TRPM3: variants seen among roughly 807,000 people sequenced by gnomAD.
The protein encoded by TRPM3 is long transient receptor potential channel 3.
A neutral mutation model predicts 181.2 loss-of-function variants in TRPM3; 77 were observed. That is an observed-to-expected ratio of 0.42 (90% CI 0.35 to 0.51). TRPM3 has a LOEUF of 0.51. Ranked by LOEUF, TRPM3 falls within the 20% of genes least tolerant of loss-of-function variation. TRPM3 has a pLI of 0.01. For synonymous variants in TRPM3, 745 were observed against 796.4 expected, an observed-to-expected ratio of 0.94 and a Z score of 1.09; for missense variants, 1,759 against 2,196.7, an observed-to-expected ratio of 0.80 and a Z score of 3.98.
chr9:71,108,495 CA>C (rs1565213185), intron 1 of TRPM3, among the ~76,000 whole-genome samples: 1 of 152,078 alleles, frequency 6.6e-6, no homozygotes, highest in Admixed American at 6.6e-5. Flanking sequence ...GCTAAATAAA[CA>C]AGGGTCGACA....
At chr9:70,758,983 G>A (rs1252400158) in intron 8 of TRPM3, among the ~76,000 whole-genome samples, 1 of 152,144 alleles carries the variant, frequency 6.6e-6, no homozygotes, top group Non-Finnish European at 1.5e-5. Flanking sequence ...TGACAAATGG[G>A]ATCTAATCAA....
intron 3 of TRPM3, among the ~76,000 whole-genome samples, chr9:70,847,346 C>T (rs2095013295): frequency 6.6e-6 from 1 of 152,110 alleles, no homozygotes; most frequent in African/African-American, 2.4e-5. Context: ...TTAAAAACTT[C>T]AATTTCTAGC....
At chr9:70,643,388 A>G (rs958048161) in intron 9 of TRPM3, among the ~76,000 whole-genome samples, 1 of 152,216 alleles carries the variant, frequency 6.6e-6, no homozygotes, top group Non-Finnish European at 1.5e-5. Flanking sequence ...CAAGTCAATA[A>G]TAGCAGCACG....
chr9:70,774,369 C>A (rs914075220), intron 7 of TRPM3: 1 of 152,096 alleles, frequency 6.6e-6, no homozygotes, highest in African/African-American at 2.4e-5. Context: ...TCAATATTTT[C>A]TTTTCTCTAG....
chr9:70,918,962 T>C (rs2096628599), intron 1 of TRPM3, among the ~76,000 whole-genome samples: 2 of 152,176 alleles, frequency 1.3e-5, no homozygotes, highest in South Asian at 4.1e-4. Context: ...CTGTTTCAGA[T>C]GATCTCATAG....
chr9:70,649,347 C>A (rs187329585), intron 9 of TRPM3, among the ~76,000 whole-genome samples: 1 of 152,212 alleles, frequency 6.6e-6, no homozygotes, highest in African/African-American at 2.4e-5. Flanking sequence ...TGCCACCATG[C>A]CTGGCTAATT....
chr9:70,607,544 C>T (rs570012049), intron 19 of TRPM3, among the ~76,000 whole-genome samples: 47 of 152,254 alleles, frequency 3.1e-4, no homozygotes, highest in African/African-American at 1.0e-3. Flanking sequence ...CACCACCCCC[C>T]GCCAAAGAGG....
At position 71,241,758 on chromosome 9, in the gene TRPM3, A is replaced by G. The variant is rs2081705796; in HGVS notation, c.183+204895T>C. Among the ~76,000 whole-genome samples, 6 of 152,232 alleles carry G rather than the reference A, an allele frequency of 3.9e-5. 1 individual carries two copies. In the South Asian group the frequency reaches 1.2e-3, roughly 31 times the overall value. ...TAAGCTTACTAATCTGACATACTAT[A>G]AAACCTAAACTCATCCTGCAAAAAA... On this transcript the variant is annotated intron_variant, in intron 1 of 24. Coordinates refer to the TRPM3 transcript ENST00000357533.
chr9:71,414,206 A>G (rs1202253971), intron 1 of TRPM3, among the ~76,000 whole-genome samples: 3 of 152,104 alleles, frequency 2.0e-5, no homozygotes, highest in Non-Finnish European at 2.9e-5. Context: ...ATGAAGAAAG[A>G]TTATACCATT....
At chr9:71,056,511 T>C (rs1294153960) in intron 1 of TRPM3, among the ~76,000 whole-genome samples, 1 of 152,048 alleles carries the variant, frequency 6.6e-6, no homozygotes, top group African/African-American at 2.4e-5. Flanking sequence ...GGCTGAGTTT[T>C]GTCTGCCAAA....
At chr9:70,577,771 C>A (rs988117294) in intron 22 of TRPM3, among the ~76,000 whole-genome samples, 24 of 152,190 alleles carry the variant, frequency 1.6e-4, no homozygotes, top group African/African-American at 5.1e-4. Flanking sequence ...TCTTTTAGTG[C>A]ATGACCTGTT....
At chr9:71,259,358 T>C (rs1220795447) in intron 1 of TRPM3, among the ~76,000 whole-genome samples, 1 of 152,178 alleles carries the variant, frequency 6.6e-6, no homozygotes, top group African/African-American at 2.4e-5. Flanking sequence ...TAAACATACA[T>C]GTACATGTGT....
chr9:71,268,841 T>A (rs1015273879), intron 1 of TRPM3, among the ~76,000 whole-genome samples: 5 of 151,542 alleles, frequency 3.3e-5, no homozygotes, highest in African/African-American at 1.2e-4. Context: ...TTTAAAAAAA[T>A]TAAAAATTAA....
intron 1 of TRPM3, among the ~76,000 whole-genome samples, chr9:70,990,283 G>A (rs866141323): frequency 1.3e-5 from 2 of 152,158 alleles, no homozygotes; most frequent in South Asian, 2.1e-4. Context: ...GTACAGGCAT[G>A]AAACAACAAT....
intron 1 of TRPM3, among the ~76,000 whole-genome samples, chr9:71,222,241 A>G (rs1287753471): frequency 2.6e-5 from 4 of 152,244 alleles, no homozygotes; most frequent in Admixed American, 2.6e-4. Flanking sequence ...CAATCTCCCC[A>G]GAATGCCTGG....
Position 70,619,045 on chromosome 9 carries a change from TC to T in TRPM3, c.2179del (p.Asp727ThrfsTer6). The T allele has an allele frequency of 1.9e-6, 3 of 1,614,172 alleles. No individual in the cohort carries two copies. Among genetic ancestry groups the T allele is most frequent in the Non-Finnish European group, 2.5e-6 (3 of 1,180,020 alleles). On this transcript the variant is annotated frameshift_variant, in exon 17 of 26. Coordinates refer to ENST00000677713, the MANE Select transcript of TRPM3 (RefSeq NM_001366145.2). LOFTEE classifies it high-confidence loss of function. ...CAGCAGTTTCATGGCCAGCTGTTCG[TC>T]CTGCTTGTAGGACTGGTCCAGGAGC... Reference protein sequence around the residue: ...VELLDQSYKQDEQLAMKLLTY... With the variant: ...VELLDQSYKQXEQLAMKLLTY...
intron 7 of TRPM3, 103 bp from the exon 8 acceptor site, chr9:70,761,827 G>A: frequency 3.7e-6 from 5 of 1,348,346 alleles, no homozygotes; most frequent in Non-Finnish European, 4.0e-6. Context: ...GTTTACTTTA[G>A]ATAGGAGTTA....
chr9:70,616,002 A>G lies in TRPM3; in HGVS notation c.2432T>C (p.Met811Thr). 3.1e-6 allele frequency: 5 copies of G among 1,613,058 alleles called. No individual in the cohort carries two copies. The highest frequency in any genetic ancestry group is 4.2e-6 in the Non-Finnish European group (5 of 1,179,492). The change falls in exon 18 of 26, where the codon ATG becomes ACG. Residue 811 changes from methionine to threonine, a missense_variant. By Grantham distance (81) the Met-to-Thr change is moderately conservative. Coordinates refer to ENST00000677713, the MANE Select transcript of TRPM3 (RefSeq NM_001366145.2). ...EFKNKDDMPY[M>T]SQAQEIHLQE... Reference sequence around the variant, plus strand: ...GAGGTGGATTTCCTGGGCCTGAGACATATAGGGCATGTCGTCTTTGTTCTT... The same window carrying G: ...GAGGTGGATTTCCTGGGCCTGAGACGTATAGGGCATGTCGTCTTTGTTCTT...
chr9:71,424,345 A>AT (rs1057065709), intron 1 of TRPM3, among the ~76,000 whole-genome samples: 6 of 151,920 alleles, frequency 3.9e-5, no homozygotes, highest in East Asian at 1.9e-4. Flanking sequence ...TCAGATTTCC[A>AT]TTTTTTTTCC....
Sources: gnomAD v4.1 joint callset for allele counts (sites outside exome capture counted in the v4.1 genomes callset) on GRCh38, gnomAD v4.1.1 for gene constraint, MANE v1.5 for transcripts, NCBI Gene and HGNC (gene_info 2026-07-23, HGNC 2026-07-21) for gene names.